PDGFD: variants seen among roughly 807,000 people sequenced by gnomAD.
PDGFD encodes platelet-derived growth factor D.
In PDGFD, 30 loss-of-function variants were observed where a neutral mutation model predicts 44.7. The observed-to-expected ratio is 0.67, with a 90% CI of 0.50 to 0.91. PDGFD has a LOEUF of 0.91. PDGFD is among the 40% of genes least tolerant of loss of function. The probability of loss-of-function intolerance (pLI) is 0.00; values close to 1 mark genes in which losing one functional copy is unlikely to be tolerated. For synonymous variants in PDGFD, 173 were observed against 168.4 expected (o/e 1.03, Z -0.21); for missense variants, 445 against 457.8 (o/e 0.97, Z 0.25).
At chr11:104,047,620 G>C (rs1295376637) in intron 1 of PDGFD, among the ~76,000 whole-genome samples, 1 of 146,948 alleles carries the variant, frequency 6.8e-6, no homozygotes, top group East Asian at 2.0e-4. Flanking sequence ...AAAAAATAAG[G>C]AAAAACTCCA....
At chr11:104,113,769 T>C (rs529735808) in intron 1 of PDGFD, among the ~76,000 whole-genome samples, 1 of 152,214 alleles carries the variant, frequency 6.6e-6, no homozygotes, top group East Asian at 1.9e-4. Context: ...TCCACATTCT[T>C]GTCAGCATTT....
At chr11:103,926,082 A>G (rs746567105) in intron 6 of PDGFD, among the ~76,000 whole-genome samples, 22 of 150,114 alleles carry the variant, frequency 1.5e-4, no homozygotes, top group African/African-American at 2.2e-4. Flanking sequence ...GAAAAACCAT[A>G]GACCCTGGAA....
intron 1 of PDGFD, among the ~76,000 whole-genome samples, chr11:104,020,186 T>C (rs1207175020): frequency 6.6e-6 from 1 of 152,166 alleles, no homozygotes; most frequent in Non-Finnish European, 1.5e-5. Flanking sequence ...AATGTAGAGA[T>C]GGAGACATAT....
chr11:103,934,636 G>A (rs976386095), intron 5 of PDGFD, among the ~76,000 whole-genome samples: 5 of 152,166 alleles, frequency 3.3e-5, no homozygotes, highest in African/African-American at 7.2e-5. Context: ...GCAAAGGCAC[G>A]TCTTACATGG....
At chr11:104,153,823 G>A (rs1383970221) in intron 1 of PDGFD, among the ~76,000 whole-genome samples, 1 of 151,920 alleles carries the variant, frequency 6.6e-6, no homozygotes, top group African/African-American at 2.4e-5. Flanking sequence ...TATATTTTTG[G>A]GGGTCATTTG....
intron 5 of PDGFD, among the ~76,000 whole-genome samples, chr11:103,931,099 T>C (rs1047132038): frequency 1.3e-5 from 2 of 152,124 alleles, no homozygotes; most frequent in Non-Finnish European, 2.9e-5. Context: ...ATAAAACCAA[T>C]ATAATATTTC....
chr11:104,041,486 C>T (rs1379144477), intron 1 of PDGFD, among the ~76,000 whole-genome samples: 4 of 151,064 alleles, frequency 2.6e-5, no homozygotes, highest in Admixed American at 6.6e-5. Context: ...AAATTTACTA[C>T]GTGAAAATGG....
chr11:104,034,202 A>AT (rs1860179431), intron 1 of PDGFD, among the ~76,000 whole-genome samples: 2 of 151,738 alleles, frequency 1.3e-5, no homozygotes, highest in African/African-American at 2.4e-5. Context: ...CTACTGTGGT[A>AT]TTTTTTACCC....
chr11:104,050,409 A>G (rs1434506440), intron 1 of PDGFD, among the ~76,000 whole-genome samples: 1 of 152,196 alleles, frequency 6.6e-6, no homozygotes, highest in Non-Finnish European at 1.5e-5. Flanking sequence ...AGGAAAAGGT[A>G]GTTGAATTTC....
At chr11:104,084,075 T>A (rs960916599) in intron 1 of PDGFD, among the ~76,000 whole-genome samples, 6 of 152,152 alleles carry the variant, frequency 3.9e-5, no homozygotes, top group African/African-American at 1.4e-4. Flanking sequence ...TATGTACGGA[T>A]TAGTGCATTT....
chr11:103,967,712 G>A (rs12421553), intron 3 of PDGFD, among the ~76,000 whole-genome samples: 42,899 of 152,034 alleles, frequency 0.28, 6,553 homozygotes, highest in Admixed American at 0.45. Flanking sequence ...CTGGATTTCT[G>A]CAGGAGAAAA....
intron 1 of PDGFD, among the ~76,000 whole-genome samples, chr11:104,118,893 G>T (rs1315347473): frequency 1.2e-5 from 1 of 83,576 alleles, no homozygotes; most frequent in Non-Finnish European, 2.1e-5. Flanking sequence ...ATATTATTAT[G>T]TATAATATTA....
At chr11:104,039,546 G>C (rs1029295349) in intron 1 of PDGFD, among the ~76,000 whole-genome samples, 15 of 151,866 alleles carry the variant, frequency 9.9e-5, no homozygotes, top group African/African-American at 3.6e-4. Flanking sequence ...CTTCTCTATA[G>C]GTGTTCCCAT....
In PDGFD at chr11:104,128,900, A is replaced by G. The variant is rs142288923; in HGVS notation, c.124+34904T>C. Reference sequence around the variant, plus strand: ...TGTTACCATTATTATTGCTGCTCATAATTCTTAATTACAATATTGAATTCA... The same window carrying G: ...TGTTACCATTATTATTGCTGCTCATGATTCTTAATTACAATATTGAATTCA... On this transcript the variant is annotated intron_variant, in intron 1 of 6. Coordinates refer to ENST00000393158, the MANE Select transcript of PDGFD (RefSeq NM_025208.5). Among the ~76,000 whole-genome samples the G allele has an allele frequency of 2.0e-4, 31 of 152,280 alleles. No individual in the cohort carries two copies. The East Asian group carries it at 5.6e-3, about 28-fold the overall frequency.
intron 1 of PDGFD, among the ~76,000 whole-genome samples, chr11:104,087,390 G>A (rs922556419): frequency 7.2e-5 from 11 of 151,852 alleles, no homozygotes; most frequent in African/African-American, 2.4e-4. Context: ...TGTAGTTTTA[G>A]TAGAGACAGG....
At chr11:104,138,730 T>C (rs1457917533) in intron 1 of PDGFD, among the ~76,000 whole-genome samples, 3 of 152,224 alleles carry the variant, frequency 2.0e-5, no homozygotes, top group Admixed American at 6.5e-5. Context: ...AAAATGACTT[T>C]ATACTTACAG....
In PDGFD at chr11:104,037,024, G is replaced by T. The variant is rs1860251967; in HGVS notation, c.125-36769C>A. On this transcript the variant is annotated intron_variant, in intron 1 of 6. Coordinates refer to ENST00000393158, the MANE Select transcript of PDGFD (RefSeq NM_025208.5). ...TTCCCTGGGCTCCTACGGCCTCAAAGATGGCGATATCGTGGTTTTACTGCA... is the reference window on the plus strand; with the variant it reads ...TTCCCTGGGCTCCTACGGCCTCAAATATGGCGATATCGTGGTTTTACTGCA... 2.5e-6 allele frequency: 4 copies of T among 1,614,234 alleles called. No individual in the cohort carries two copies. Among genetic ancestry groups the T allele is most frequent in the Non-Finnish European group, 3.4e-6 (4 of 1,180,030 alleles).
At chr11:103,947,594 C>A in intron 4 of PDGFD, 68 bp downstream of exon 4, 3 of 1,229,248 alleles carry the variant, frequency 2.4e-6, no homozygotes, top group South Asian at 2.4e-5. Context: ...CAGGTGAAGT[C>A]CTTTTGGGGT....
rs368352707 is a variant in PDGFD, at chr11:104,096,561, G to C, written c.124+67243C>G. Among the ~76,000 whole-genome samples, 3 of 152,314 alleles carry C rather than the reference G, an allele frequency of 2.0e-5. No individual in the cohort carries two copies. The East Asian group carries it at 5.8e-4, about 29-fold the overall frequency. On this transcript the variant is annotated intron_variant, in intron 1 of 6. Transcript: ENST00000393158. ...TAAACACAAGGCACTCAGAGTGACA[G>C]AGGATGCACAGAAGATTTACAGGTT... is the stretch of plus-strand genomic sequence containing the variant.
Sources: gnomAD v4.1 joint callset for allele counts (sites outside exome capture counted in the v4.1 genomes callset) on GRCh38, gnomAD v4.1.1 for gene constraint, MANE v1.5 for transcripts, NCBI Gene and HGNC (gene_info 2026-07-23, HGNC 2026-07-21) for gene names.